The following PTBP1 variants were observed in gnomAD, a reference collection of about 807,000 sequenced individuals.
PTBP1 encodes the protein polypyrimidine tract binding protein 1, also known as polypyrimidine tract-binding protein 1.
PTBP1 carries 8 observed loss-of-function variants against 59.8 expected under a neutral mutation model. The ratio of observed to expected loss-of-function variants is 0.13; its 90% confidence interval spans 0.08 to 0.24. The LOEUF is 0.24. Among genes scored for constraint, PTBP1 ranks in the 10% least tolerant of loss-of-function variants. The pLI is 1.00. For synonymous variants in PTBP1, 490 were observed against 320.7 expected (o/e 1.53, Z -5.64); for missense variants, 686 against 767.0 (o/e 0.89, Z 1.25).
chr19:809,709 T>C (rs2034764634), intron 13 of PTBP1, among the ~76,000 whole-genome samples: 1 of 152,134 alleles, frequency 6.6e-6, no homozygotes, highest in African/African-American at 2.4e-5. Context: ...AGCAATAAAG[T>C]GAGACCTCTG....
At chr19:806,322 G>A in intron 9 of PTBP1, 86 bp from the exon 10 acceptor site, 1 of 1,408,448 alleles carries the variant, frequency 7.1e-7, no homozygotes, top group Non-Finnish European at 9.4e-7. Flanking sequence ...CGGCTCCTCG[G>A]TGCATGAGGA....
intron 5 of PTBP1, 22 bp from the exon 6 acceptor site, chr19:804,510 C>T: frequency 1.3e-6 from 2 of 1,596,480 alleles, no homozygotes; most frequent in Non-Finnish European, 8.5e-7. Flanking sequence ...GGGCCGGGGA[C>T]TCACGGCTGT....
chr19:811,500 C>T lies in PTBP1; in HGVS notation c.*674C>T, dbSNP rs1208155279. The T allele has an allele frequency of 2.6e-5, 4 of 152,472 alleles. No individual in the cohort carries two copies. Among genetic ancestry groups the T allele is most frequent in the Non-Finnish European group, 4.4e-5 (3 of 68,030 alleles). 9.4% of individuals were successfully genotyped at this position (152,472 alleles called of 1,614,324 possible). On this transcript the variant is annotated 3_prime_UTR_variant, in exon 15 of 15. Transcript: ENST00000356948. Reference sequence around the variant, plus strand: ...TTTCCAGTTGACCAAATATTCTAATCTTTTTTCATTTATATGCAAAAGAAA... The same window carrying T: ...TTTCCAGTTGACCAAATATTCTAATTTTTTTTCATTTATATGCAAAAGAAA...
chr19:810,970 A>T lies in PTBP1; in HGVS notation c.*144A>T, dbSNP rs1352129483. 1.1e-6 allele frequency: 1 copy of T among 903,460 alleles called. No individual in the cohort carries two copies. The highest frequency in any genetic ancestry group is 3.1e-5 in the East Asian group (1 of 32,194). 56.0% of individuals were successfully genotyped at this position (903,460 alleles called of 1,614,324 possible). A position where few individuals can be genotyped will look rare whatever the true frequency, so the allele number is the denominator to read the frequency against. On this transcript the variant is annotated 3_prime_UTR_variant, in exon 15 of 15. Transcript: ENST00000356948. ...AAATCAGTTTACCTGTTTTTAAAAA[A>T]ATTAAATCTAGTTCACCTTGCTCAC...
Position 808,473 on chromosome 19 carries a change from CG to C in PTBP1, c.1246+25del. 6.5e-7 allele frequency: 1 copy of C among 1,550,174 alleles called. No homozygotes were observed. Among genetic ancestry groups the C allele is most frequent in the Admixed American group, 1.8e-5 (1 of 54,908 alleles). ...GCTGGGTAAGAGGCCGGGGCGGCCC[CG>C]GGGTGGAGGGGGCAGGGGCGGGGGC... is the stretch of plus-strand genomic sequence containing the variant. On this transcript the variant is annotated intron_variant, in intron 12 of 14. Transcript: ENST00000356948. This position sits in a 1 kb window ranked among gnomAD's most constrained non-coding sequence, Gnocchi z 4.7.
At chr19:809,226 C>T (rs562535215) in intron 13 of PTBP1, among the ~76,000 whole-genome samples, 6 of 151,540 alleles carry the variant, frequency 4.0e-5, no homozygotes, top group African/African-American at 1.5e-4. Context: ...CCAGGCTGAT[C>T]TTGATCTCCT....
At chr19:805,298 G>A (rs2034512613) in intron 8 of PTBP1, 111 bp downstream of exon 8, 1 of 1,341,666 alleles carries the variant, frequency 7.5e-7, no homozygotes, top group South Asian at 1.3e-5. Flanking sequence ...TGCACCTGCT[G>A]CTCTCTGCAC....
rs1458231381 is a variant in PTBP1, at chr19:811,703, C to G, written c.*877C>G. The G allele has an allele frequency of 6.6e-6, 1 of 152,386 alleles. No homozygotes were observed. Among genetic ancestry groups the G allele is most frequent in the Non-Finnish European group, 1.5e-5 (1 of 68,040 alleles). The allele number at this position is 152,386 out of a possible 1,614,324, so 9.4% of individuals were successfully genotyped here. ...GCCCAGTGGGTCAGGCACAGGGAGC[C>G]CCGGTCCTATCTTAGAGCCCCTGAG... On this transcript the variant is annotated 3_prime_UTR_variant, in exon 15 of 15. Coordinates refer to ENST00000356948, the MANE Select transcript of PTBP1 (RefSeq NM_002819.5).
In PTBP1 at chr19:810,898, C is replaced by G; in HGVS notation, c.*72C>G. ...TTCCAGAGAAAAGCCACTTTAAAAA[C>G]AGCTGAAGTGACCTTAGCAGACCAG... On this transcript the variant is annotated 3_prime_UTR_variant, in exon 15 of 15. Transcript: ENST00000356948. The G allele has an allele frequency of 1.4e-6, 2 of 1,395,260 alleles. No homozygotes were observed. Among genetic ancestry groups the G allele is most frequent in the East Asian group, 5.1e-5 (2 of 39,568 alleles). The allele number at this position is 1,395,260 out of a possible 1,614,324, so 86.4% of individuals were successfully genotyped here. A position where few individuals can be genotyped will look rare whatever the true frequency, so the allele number is the denominator to read the frequency against.
chr19:811,185 A>G lies in PTBP1; in HGVS notation c.*359A>G. 5.6e-6 allele frequency: 1 copy of G among 179,784 alleles called. No homozygotes were observed. The highest frequency in any genetic ancestry group is 1.2e-5 in the Non-Finnish European group (1 of 86,380). The allele number at this position is 179,784 out of a possible 1,614,324, so 11.1% of individuals were successfully genotyped here. A position where few individuals can be genotyped will look rare whatever the true frequency, so the allele number is the denominator to read the frequency against. Reference sequence around the variant, plus strand: ...TTAAAAAACCTGCCTTCCTGCAGCCACACACCCACCCGGGGTGTCCTGGGG... The same window carrying G: ...TTAAAAAACCTGCCTTCCTGCAGCCGCACACCCACCCGGGGTGTCCTGGGG... On this transcript the variant is annotated 3_prime_UTR_variant, in exon 15 of 15. Coordinates refer to ENST00000356948, the MANE Select transcript of PTBP1 (RefSeq NM_002819.5).
chr19:809,596 A>G (rs1018028955), intron 13 of PTBP1, among the ~76,000 whole-genome samples: 1 of 152,208 alleles, frequency 6.6e-6, no homozygotes, highest in African/African-American at 2.4e-5. Context: ...CTGGGATAAC[A>G]GGTGGGAGCC....
rs559171280 is a variant in PTBP1, at chr19:798,545, G to T, written c.9-868G>T. 2.0e-5 allele frequency: 3 copies of T among 152,432 alleles called. No individual in the cohort carries two copies. The South Asian group carries it at 6.2e-4, about 32-fold the overall frequency. The allele number at this position is 152,432 out of a possible 1,614,324, so 9.4% of individuals were successfully genotyped here. ...GGACCCCTTAGCATGCGTGCGGGCA[G>T]GTGGGTCCTGCAGACGGCGAGACGA... is the stretch of plus-strand genomic sequence containing the variant. On this transcript the variant is annotated intron_variant, in intron 1 of 14. Transcript: ENST00000356948.
rs1292981900 is a variant in PTBP1 at position 803,529 on chromosome 19, A to G, written c.40-32A>G. ...GAAGGGAGGCTCTGGCCTGGTGGGA[A>G]GTGCAGCTCCGCGTTGTCCCTTCTC... On this transcript the variant is annotated intron_variant, in intron 2 of 14. Coordinates refer to ENST00000356948, the MANE Select transcript of PTBP1 (RefSeq NM_002819.5). 8.8e-6 allele frequency: 14 copies of G among 1,595,136 alleles called. No individual in the cohort carries two copies. The Admixed American group carries it at 1.0e-4, about 11-fold the overall frequency.
chr19:800,766 G>T (rs1343216954), intron 2 of PTBP1, among the ~76,000 whole-genome samples: 1 of 152,232 alleles, frequency 6.6e-6, no homozygotes, highest in Non-Finnish European at 1.5e-5. Flanking sequence ...GATGTGTCTG[G>T]CTTGCAGGCA....
chr19:806,620 C>T, intron 10 of PTBP1, 64 bp downstream of exon 10: 3 of 1,416,466 alleles, frequency 2.1e-6, no homozygotes, highest in African/African-American at 3.0e-5. Flanking sequence ...ATGTTGTGCT[C>T]GGGCTCGGGT....
Position 812,055 on chromosome 19 carries a change from GGGCGGCGGCGCGGTTTTTTAT to G in PTBP1, c.*1232_*1252del, listed in dbSNP as rs1360831799. On this transcript the variant is annotated 3_prime_UTR_variant, in exon 15 of 15. Transcript: ENST00000356948. Reference sequence around the variant, plus strand: ...TTTTATACCTGTTGTGAGACCCGAGGGGCGGCGGCGCGGTTTTTTATGGTGACACAAATGTATATTTTGCTA... The same window carrying G: ...TTTTATACCTGTTGTGAGACCCGAGGGGTGACACAAATGTATATTTTGCTA... 6.6e-6 allele frequency: 1 copy of G among 152,368 alleles called. No homozygotes were observed. Among genetic ancestry groups the G allele is most frequent in the African/African-American group, 2.4e-5 (1 of 41,436 alleles). 9.4% of individuals were successfully genotyped at this position (152,368 alleles called of 1,614,324 possible). A position where few individuals can be genotyped will look rare whatever the true frequency, so the allele number is the denominator to read the frequency against.
Position 808,909 on chromosome 19 carries a change from G to A in PTBP1, c.1463+147G>A, listed in dbSNP as rs1160881227. On this transcript the variant is annotated intron_variant, in intron 13 of 14. Coordinates refer to ENST00000356948, the MANE Select transcript of PTBP1 (RefSeq NM_002819.5). The surrounding 1 kb of genome is among the most constrained non-coding windows in gnomAD (Gnocchi z 4.7). ...CCAAACCTGAAGTACTGCAAGGCCT[G>A]GAGCTTGAGCCGAGGGCTGCTCAAG... 2.6e-6 allele frequency: 2 copies of A among 766,418 alleles called. No homozygotes were observed. The highest frequency in any genetic ancestry group is 4.3e-6 in the Non-Finnish European group (2 of 469,520). 47.5% of individuals were successfully genotyped at this position (766,418 alleles called of 1,614,324 possible).
At chr19:799,922 T>A (rs2034257463) in intron 2 of PTBP1, among the ~76,000 whole-genome samples, 1 of 151,216 alleles carries the variant, frequency 6.6e-6, no homozygotes, top group South Asian at 2.1e-4. Context: ...AGTTTTTTTG[T>A]TTTTGTTTTT....
chr19:797,581 C>T, intron 1 of PTBP1, 76 bp downstream of exon 1: 1 of 1,096,882 alleles, frequency 9.1e-7, no homozygotes, highest in Non-Finnish European at 1.2e-6. Flanking sequence ...GCCGGCCTCC[C>T]CGGGGCCGAT....
Sources: allele counts gnomAD v4.1 joint callset (sites outside exome capture counted in the v4.1 genomes callset), GRCh38; gene constraint gnomAD v4.1.1; non-coding constraint Gnocchi (gnomAD v3.1); transcripts MANE v1.5; gene names NCBI Gene and HGNC (gene_info 2026-07-23, HGNC 2026-07-21).